The following KSR2 variants were observed in gnomAD, a reference collection of about 807,000 sequenced individuals.
The protein encoded by KSR2 is kinase suppressor of ras 2.
A neutral mutation model predicts 107.8 loss-of-function variants in KSR2; 25 were observed. That is an observed-to-expected ratio of 0.23 (90% CI 0.17 to 0.32). KSR2 has a LOEUF of 0.32. KSR2 is among the 10% of genes least tolerant of loss of function. The probability of loss-of-function intolerance (pLI) is 1.00; values close to 1 mark genes in which losing one functional copy is unlikely to be tolerated. For missense variants in KSR2, 887 were observed against 1,268.9 expected (o/e 0.70, Z 4.57); for synonymous variants, 480 against 507.0 (o/e 0.95, Z 0.71).
intron 1 of KSR2, among the ~76,000 whole-genome samples, chr12:117,966,406 T>C (rs1896786704): frequency 6.6e-6 from 1 of 152,040 alleles, no homozygotes; most frequent in Admixed American, 6.6e-5. Context: ...TCCCACACTT[T>C]TTCTTCCAGC....
At chr12:117,724,326 A>G (rs1024276877) in intron 4 of KSR2, among the ~76,000 whole-genome samples, 25 of 152,004 alleles carry the variant, frequency 1.6e-4, no homozygotes, top group Non-Finnish European at 3.7e-4. Flanking sequence ...AAAAAAAAAA[A>G]AAAAGAAAAA....
intron 4 of KSR2, among the ~76,000 whole-genome samples, chr12:117,675,526 A>G (rs1366749164): frequency 6.6e-6 from 1 of 152,212 alleles, no homozygotes; most frequent in Non-Finnish European, 1.5e-5. Context: ...AGGTGGTTGC[A>G]CATTCAGCAA....
intron 1 of KSR2, among the ~76,000 whole-genome samples, chr12:117,898,990 T>C (rs1020959723): frequency 3.9e-5 from 6 of 152,288 alleles, no homozygotes; most frequent in African/African-American, 1.4e-4. Flanking sequence ...TCTTTCTCTT[T>C]AGACTGTTTA....
At chr12:117,467,226 A>C in intron 19 of KSR2, 21 bp from the exon 20 acceptor site, 1 of 731,800 alleles carries the variant, frequency 1.4e-6, no homozygotes, top group Non-Finnish European at 2.5e-6. Flanking sequence ...GAGAGAAGGG[A>C]GAGAGTGGTG....
intron 4 of KSR2, among the ~76,000 whole-genome samples, chr12:117,700,462 A>G (rs1356908884): frequency 1.3e-5 from 2 of 152,232 alleles, no homozygotes; most frequent in African/African-American, 4.8e-5. Flanking sequence ...ACAGCATTGT[A>G]GTAGAACAAG....
At chr12:117,818,767 T>C (rs529958208) in intron 3 of KSR2, among the ~76,000 whole-genome samples, 37 of 152,226 alleles carry the variant, frequency 2.4e-4, no homozygotes, top group African/African-American at 7.5e-4. Flanking sequence ...GAGACAGGGA[T>C]CTTAGTGTTC....
intron 7 of KSR2, among the ~76,000 whole-genome samples, chr12:117,578,897 C>T (rs1437263836): frequency 6.6e-6 from 1 of 152,222 alleles, no homozygotes; most frequent in Non-Finnish European, 1.5e-5. Flanking sequence ...CAGCATTAGG[C>T]ATTTCCAGGA....
chr12:117,541,091 A>C (rs2221164), intron 9 of KSR2, among the ~76,000 whole-genome samples: 2,931 of 151,188 alleles, frequency 0.019, 107 homozygotes, highest in African/African-American at 0.068. Flanking sequence ...GATGTGGAGG[A>C]ATGGGAGGCA....
chr12:117,503,040 G>T (rs1387375864), intron 14 of KSR2, among the ~76,000 whole-genome samples: 1 of 152,130 alleles, frequency 6.6e-6, no homozygotes, highest in Admixed American at 6.5e-5. Flanking sequence ...GAAGCCAGGG[G>T]AGTGTGCTGG....
At chr12:117,952,976 C>T (rs1475722200) in intron 1 of KSR2, among the ~76,000 whole-genome samples, 1 of 114,264 alleles carries the variant, frequency 8.8e-6, no homozygotes, top group Non-Finnish European at 1.7e-5. Flanking sequence ...TAGAGTGAGA[C>T]TCCATCTCAA....
intron 1 of KSR2, among the ~76,000 whole-genome samples, chr12:117,873,232 C>T (rs1893709116): frequency 6.6e-6 from 1 of 151,732 alleles, no homozygotes; most frequent in Non-Finnish European, 1.5e-5. Flanking sequence ...GTAATCCCAG[C>T]TACTCCAGAG....
chr12:117,685,471 G>A (rs995574359), intron 4 of KSR2, among the ~76,000 whole-genome samples: 6 of 152,144 alleles, frequency 3.9e-5, no homozygotes, highest in African/African-American at 9.7e-5. Context: ...AGATAAATTG[G>A]CGCAGAGGTC....
rs1320048484 is a variant in KSR2, at chr12:117,772,236, GCACAAA to G, written c.473-10718_473-10713del. On this transcript the variant is annotated intron_variant, in intron 3 of 19. Transcript: ENST00000339824. Reference sequence around the variant, plus strand: ...ATACACACACACCATTCCCCCAGACGCACAAACACTCACACATACACACCATTCCCC... The same window carrying G: ...ATACACACACACCATTCCCCCAGACGCACTCACACATACACACCATTCCCC... Among the ~76,000 whole-genome samples the G allele has an allele frequency of 7.5e-4, 28 of 37,108 alleles. 2 individuals are homozygous for G. Among genetic ancestry groups the G allele is most frequent in the African/African-American group, 4.0e-3 (27 of 6,780 alleles). 24.3% of individuals were successfully genotyped at this position (37,108 alleles called of 152,430 possible).
At chr12:117,593,502 C>G (rs1170023197) in intron 5 of KSR2, among the ~76,000 whole-genome samples, 2 of 152,230 alleles carry the variant, frequency 1.3e-5, no homozygotes, top group African/African-American at 2.4e-5. Flanking sequence ...TTCCCAAGTC[C>G]AGGCAACTAG....
At chr12:117,910,243 G>GA (rs1310042184) in intron 1 of KSR2, among the ~76,000 whole-genome samples, 4 of 151,420 alleles carry the variant, frequency 2.6e-5, no homozygotes, top group Non-Finnish European at 5.9e-5. Context: ...AGAAGAAGAA[G>GA]AAAAAAAAGA....
chr12:117,579,212 A>C lies in KSR2; in HGVS notation c.1242-10T>G. ...GTACTTGGTGGAAAACCTGTGGAAA[A>C]GAGACAGAAAATGTTCAAGGTTAAG... is the stretch of plus-strand genomic sequence containing the variant. On this transcript the variant is annotated splice_polypyrimidine_tract_variant and intron_variant, in intron 6 of 19. Transcript: ENST00000339824. The C allele has an allele frequency of 6.2e-7, 1 of 1,604,840 alleles. No homozygotes were observed. The highest frequency in any genetic ancestry group is 8.5e-7 in the Non-Finnish European group (1 of 1,172,176).
intron 5 of KSR2, among the ~76,000 whole-genome samples, chr12:117,662,490 C>T (rs61292404): frequency 0.014 from 2,123 of 152,284 alleles, 44 homozygotes; most frequent in African/African-American, 0.046. Context: ...TCAAGGTACA[C>T]GCAAGGCCAG....
chr12:117,888,670 C>G (rs2137348447), intron 1 of KSR2, among the ~76,000 whole-genome samples: 1 of 152,210 alleles, frequency 6.6e-6, no homozygotes, highest in East Asian at 1.9e-4. Flanking sequence ...GAGCCCTCAC[C>G]AGAACCTGGA....
chr12:117,608,265 C>T (rs1296170072), intron 5 of KSR2, among the ~76,000 whole-genome samples: 1 of 152,192 alleles, frequency 6.6e-6, no homozygotes, highest in Non-Finnish European at 1.5e-5. Context: ...GAAGACATGG[C>T]TGTGTCTTAC....
Sources: gnomAD v4.1 joint callset for allele counts (sites outside exome capture counted in the v4.1 genomes callset) on GRCh38, gnomAD v4.1.1 for gene constraint, MANE v1.5 for transcripts, NCBI Gene and HGNC (gene_info 2026-07-23, HGNC 2026-07-21) for gene names.